The following INSL6 variants were observed in gnomAD, a reference collection of about 807,000 sequenced individuals.
The protein encoded by INSL6 is insulin like 6, also known as insulin-like peptide INSL6.
INSL6 carries 16 observed loss-of-function variants against 9.4 expected under a neutral mutation model. That is an observed-to-expected ratio of 1.70 (90% CI 1.15 to 2.59). The LOEUF is 2.59. Among genes scored for constraint, INSL6 ranks in the 30% most tolerant of loss-of-function variants. The pLI, the probability that INSL6 is intolerant of heterozygous loss-of-function variation, is 0.00. For synonymous variants in INSL6, 154 were observed against 96.9 expected, an observed-to-expected ratio of 1.59 and a Z score of -3.46; for missense variants, 391 against 257.3, an observed-to-expected ratio of 1.52 and a Z score of -3.56.
At chr9:5,052,894 A>G in the INSL6 span, among the ~76,000 whole-genome samples, 1 of 151,884 alleles carries the variant, frequency 6.6e-6, no homozygotes, top group Admixed American at 6.6e-5. Context: ...TTTGTTCTTC[A>G]CTTGATGAAA....
At chr9:5,041,457 A>AG in the INSL6 span, 1 of 610,124 alleles carries the variant, frequency 1.6e-6, no homozygotes, top group Admixed American at 2.2e-5. Flanking sequence ...CTCCCCTGGC[A>AG]GGGGCTCAAG....
chr9:5,087,774 GTTC>G, the INSL6 span, among the ~76,000 whole-genome samples: 5,791 of 152,158 alleles, frequency 0.038, 376 homozygotes, highest in African/African-American at 0.13. Context: ...CCTTTGAAAT[GTTC>G]TTATCTTTTG....
At chr9:5,166,673 G>C (rs978476213) in intron 1 of INSL6, among the ~76,000 whole-genome samples, 3 of 152,124 alleles carry the variant, frequency 2.0e-5, no homozygotes, top group Admixed American at 2.0e-4. Context: ...AGGGTAGTCA[G>C]AGTTATCACC....
At chr9:5,153,653 A>G (rs984928953) in intron 2 of INSL6, among the ~76,000 whole-genome samples, 12 of 152,210 alleles carry the variant, frequency 7.9e-5, no homozygotes, top group African/African-American at 2.4e-5. Flanking sequence ...TCAATGTGCA[A>G]AAGTCACAAG....
the INSL6 span, among the ~76,000 whole-genome samples, chr9:5,064,396 G>A: frequency 2.0e-5 from 3 of 151,952 alleles, no homozygotes; most frequent in South Asian, 4.1e-4. Flanking sequence ...TGGGCATGGC[G>A]GCATATGCCT....
the INSL6 span, chr9:5,055,621 G>C: frequency 7.0e-7 from 1 of 1,421,488 alleles, no homozygotes; most frequent in Non-Finnish European, 9.7e-7. Flanking sequence ...TTTTAAAATG[G>C]CTCTGTAAAT....
chr9:5,029,356 T>C, the INSL6 span, among the ~76,000 whole-genome samples: 1 of 152,198 alleles, frequency 6.6e-6, no homozygotes, highest in African/African-American at 2.4e-5. Context: ...ATTACAATTG[T>C]AATGTCAAAG....
the INSL6 span, among the ~76,000 whole-genome samples, chr9:5,039,462 T>C: frequency 6.6e-6 from 1 of 152,176 alleles, no homozygotes; most frequent in African/African-American, 2.4e-5. Flanking sequence ...ATACTATGCC[T>C]TTGTATATCA....
the INSL6 span, chr9:5,070,116 T>C: frequency 4.3e-6 from 5 of 1,155,702 alleles, no homozygotes; most frequent in Non-Finnish European, 6.2e-6. Flanking sequence ...GTTTTCTTGA[T>C]TTACATTCAT....
chr9:5,101,360 G>A, the INSL6 span, among the ~76,000 whole-genome samples: 2 of 152,230 alleles, frequency 1.3e-5, no homozygotes, highest in Non-Finnish European at 2.9e-5. Context: ...GGCTTGAGTA[G>A]GTAAACAAAG....
the INSL6 span, among the ~76,000 whole-genome samples, chr9:5,071,759 G>A: frequency 6.6e-6 from 1 of 152,168 alleles, no homozygotes; most frequent in Non-Finnish European, 1.5e-5. Context: ...GCATCTTCAT[G>A]TGAGTAACAG....
At chr9:5,126,408 A>G (rs753258906) in intron 3 of INSL6, 1 of 1,611,002 alleles carries the variant, frequency 6.2e-7, no homozygotes, top group Admixed American at 1.7e-5. Flanking sequence ...TTTGAAGAAT[A>G]ATGGAAGATT....
chr9:5,085,111 GTTGT>G, the INSL6 span: 1 of 655,262 alleles, frequency 1.5e-6, no homozygotes, highest in Non-Finnish European at 2.9e-6. Flanking sequence ...GGCAAGGTAG[GTTGT>G]TTGTTTTACA....
the INSL6 span, among the ~76,000 whole-genome samples, chr9:5,004,730 T>C: frequency 6.6e-6 from 1 of 152,150 alleles, no homozygotes; most frequent in East Asian, 1.9e-4. Context: ...CTGTAAAAAT[T>C]TACATTTTCC....
At chr9:5,082,602 G>A in the INSL6 span, among the ~76,000 whole-genome samples, 3 of 152,194 alleles carry the variant, frequency 2.0e-5, no homozygotes, top group Non-Finnish European at 4.4e-5. Context: ...TTGGGCTGGG[G>A]GACGGTCAGG....
At chr9:5,013,005 T>A in the INSL6 span, among the ~76,000 whole-genome samples, 9 of 152,186 alleles carry the variant, frequency 5.9e-5, no homozygotes, top group Non-Finnish European at 1.3e-4. Flanking sequence ...ATGGATGGAT[T>A]TGAAATATAG....
At chr9:5,158,881 C>T (rs891679498), downstream of INSL6, among the ~76,000 whole-genome samples, 1 of 151,972 alleles carries the variant, frequency 6.6e-6, no homozygotes, top group Non-Finnish European at 1.5e-5. Context: ...GGTGTACAAA[C>T]TACTCATATG....
chr9:5,018,421 G>A, the INSL6 span, among the ~76,000 whole-genome samples: 3 of 151,964 alleles, frequency 2.0e-5, no homozygotes, highest in African/African-American at 4.8e-5. Context: ...CTGCAGCCTC[G>A]ACCTCCATGG....
the INSL6 span, among the ~76,000 whole-genome samples, chr9:5,096,472 G>C: frequency 6.6e-6 from 1 of 152,112 alleles, no homozygotes; most frequent in Non-Finnish European, 1.5e-5. Flanking sequence ...TAATCAACTG[G>C]CTTCAATCTA....
Sources: gnomAD v4.1 joint callset for allele counts (sites outside exome capture counted in the v4.1 genomes callset) on GRCh38, gnomAD v4.1.1 for gene constraint, MANE v1.5 for transcripts, NCBI Gene and HGNC (gene_info 2026-07-23, HGNC 2026-07-21) for gene names.